GRIK2: variants seen among roughly 807,000 people sequenced by gnomAD.
GRIK2 encodes the protein glutamate receptor ionotropic, kainate 2.
A neutral mutation model predicts 100.3 loss-of-function variants in GRIK2; 32 were observed. That is an observed-to-expected ratio of 0.32 (90% confidence interval 0.24 to 0.43). The LOEUF is 0.43. GRIK2 is among the 20% of genes least tolerant of loss of function. The pLI is 1.00. For synonymous variants in GRIK2, 417 were observed against 389.4 expected, an observed-to-expected ratio of 1.07 and a Z score of -0.83; for missense variants, 843 against 1,114.9, an observed-to-expected ratio of 0.76 and a Z score of 3.47.
intron 7 of GRIK2, among the ~76,000 whole-genome samples, chr6:101,753,246 G>A (rs1776904523): frequency 7.0e-6 from 1 of 143,068 alleles, no homozygotes; most frequent in Admixed American, 7.3e-5. Flanking sequence ...TCTTGCCACT[G>A]CACTCCAGCC....
chr6:101,954,112 A>T (rs945528575), intron 14 of GRIK2, among the ~76,000 whole-genome samples: 3 of 152,136 alleles, frequency 2.0e-5, no homozygotes, highest in African/African-American at 7.2e-5. Flanking sequence ...ATTAATCTGT[A>T]TGTCTATCCA....
intron 2 of GRIK2, among the ~76,000 whole-genome samples, chr6:101,538,634 C>G (rs1775837808): frequency 6.6e-6 from 1 of 150,718 alleles, no homozygotes; most frequent in African/African-American, 2.4e-5. Context: ...AAATTCAACC[C>G]TGCTTGTATT....
At chr6:101,655,108 T>C (rs1330421313) in intron 4 of GRIK2, among the ~76,000 whole-genome samples, 2 of 152,194 alleles carry the variant, frequency 1.3e-5, no homozygotes, top group African/African-American at 4.8e-5. Flanking sequence ...CACATTTCTC[T>C]GATTTTAAGG....
chr6:101,410,497 A>C (rs180738546), intron 2 of GRIK2, among the ~76,000 whole-genome samples: 188 of 152,070 alleles, frequency 1.2e-3, no homozygotes, highest in Admixed American at 1.8e-3. Context: ...ATTCTTCCTT[A>C]AGTGTCCTCT....
intron 7 of GRIK2, among the ~76,000 whole-genome samples, chr6:101,727,290 A>G (rs1774937447): frequency 6.6e-6 from 1 of 152,074 alleles, no homozygotes; most frequent in African/African-American, 2.4e-5. Flanking sequence ...TTTGGAGAAC[A>G]AAAAATTAGA....
intron 4 of GRIK2, among the ~76,000 whole-genome samples, chr6:101,658,456 A>G (rs191047833): frequency 6.6e-6 from 1 of 152,148 alleles, no homozygotes; most frequent in Non-Finnish European, 1.5e-5. Flanking sequence ...TCTATCATTG[A>G]TGGGCATTTG....
chr6:101,807,092 C>T (rs751851614), intron 9 of GRIK2, among the ~76,000 whole-genome samples: 5 of 151,864 alleles, frequency 3.3e-5, no homozygotes, highest in African/African-American at 7.3e-5. Flanking sequence ...TCACACAGAA[C>T]GCTTACTCAA....
intron 14 of GRIK2, among the ~76,000 whole-genome samples, chr6:101,982,431 A>G (rs1191011529): frequency 6.6e-6 from 1 of 151,766 alleles, no homozygotes; most frequent in Non-Finnish European, 1.5e-5. Flanking sequence ...GCTCAGTTTT[A>G]ATTTGGGGCA....
At chr6:101,765,027 C>A (rs538729585) in intron 7 of GRIK2, among the ~76,000 whole-genome samples, 1 of 152,230 alleles carries the variant, frequency 6.6e-6, no homozygotes, top group South Asian at 2.1e-4. Context: ...TTTTCAGCTT[C>A]TCAACACTGT....
chr6:101,669,751 G>A (rs1277055969), intron 4 of GRIK2, among the ~76,000 whole-genome samples: 1 of 152,080 alleles, frequency 6.6e-6, no homozygotes, highest in Non-Finnish European at 1.5e-5. Context: ...CACATAAAAT[G>A]GGTGGATAAA....
intron 14 of GRIK2, among the ~76,000 whole-genome samples, chr6:101,945,910 GTTT>G (rs66532199): frequency 0.034 from 4,450 of 131,428 alleles, 214 homozygotes; most frequent in African/African-American, 0.12. Flanking sequence ...TCTATCTACT[GTTT>G]TTTTTTTTTT....
chr6:101,536,488 A>G (rs1490247495), intron 2 of GRIK2, among the ~76,000 whole-genome samples: 1 of 151,660 alleles, frequency 6.6e-6, no homozygotes, highest in Non-Finnish European at 1.5e-5. Flanking sequence ...AAGACTTAGA[A>G]AAGACATTAA....
intron 14 of GRIK2, among the ~76,000 whole-genome samples, chr6:101,947,368 A>T (rs1791345300): frequency 6.6e-6 from 1 of 152,200 alleles, no homozygotes; most frequent in Non-Finnish European, 1.5e-5. Context: ...TAAACATTTT[A>T]AAATGTTTAT....
At chr6:101,939,472 G>A (rs1790821884) in intron 14 of GRIK2, among the ~76,000 whole-genome samples, 1 of 151,866 alleles carries the variant, frequency 6.6e-6, no homozygotes, top group Non-Finnish European at 1.5e-5. Flanking sequence ...TGCAAATACA[G>A]GTTACCTATG....
intron 2 of GRIK2, among the ~76,000 whole-genome samples, chr6:101,620,768 A>C (rs879127035): frequency 6.6e-6 from 1 of 152,134 alleles, no homozygotes; most frequent in Admixed American, 6.6e-5. Flanking sequence ...CAGAGGTTGG[A>C]GGGGATTAGG....
At chr6:101,620,322 C>A in intron 2 of GRIK2, 3 of 246,454 alleles carry the variant, frequency 1.2e-5, no homozygotes, top group South Asian at 1.5e-4. Flanking sequence ...TAACATAAGT[C>A]ACCAAAGACT....
chr6:101,845,715 T>A (rs1290750763), intron 10 of GRIK2, among the ~76,000 whole-genome samples: 6 of 152,176 alleles, frequency 3.9e-5, no homozygotes, highest in African/African-American at 1.4e-4. Flanking sequence ...ATTCCATATT[T>A]AACTTTTTGA....
At chr6:101,795,949 A>G (rs1392709819) in intron 7 of GRIK2, among the ~76,000 whole-genome samples, 7 of 152,198 alleles carry the variant, frequency 4.6e-5, no homozygotes, top group Admixed American at 4.6e-4. Flanking sequence ...CTTATTTTGC[A>G]GTGCATTTTC....
chr6:102,002,865 T>G (rs1251101568), intron 14 of GRIK2, among the ~76,000 whole-genome samples: 5 of 150,546 alleles, frequency 3.3e-5, no homozygotes, highest in African/African-American at 9.7e-5. Flanking sequence ...GATATATATA[T>G]AGATTTATAC....
Sources: gnomAD v4.1 joint callset for allele counts (sites outside exome capture counted in the v4.1 genomes callset) on GRCh38, gnomAD v4.1.1 for gene constraint, MANE v1.5 for transcripts, NCBI Gene and HGNC (gene_info 2026-07-23, HGNC 2026-07-21) for gene names.